The following PLXNA2 variants were observed in gnomAD, a reference collection of about 807,000 sequenced individuals.
The protein encoded by PLXNA2 is plexin-A2.
Under a neutral mutation model 193.5 loss-of-function variants are expected in PLXNA2, and 91 were observed. The ratio of observed to expected loss-of-function variants is 0.47; its 90% CI spans 0.40 to 0.56. The LOEUF (loss-of-function observed/expected upper bound fraction) is 0.56. PLXNA2 is among the 20% of genes least tolerant of loss of function. The probability of loss-of-function intolerance (pLI) is 0.00; values close to 1 mark genes in which losing one functional copy is unlikely to be tolerated. For synonymous variants in PLXNA2, 997 were observed against 1,027.3 expected (o/e 0.97, Z 0.56); for missense variants, 1,995 against 2,503.2 (o/e 0.80, Z 4.33).
chr1:208,063,959 A>G (rs1183296675), intron 12 of PLXNA2, among the ~76,000 whole-genome samples: 4 of 151,950 alleles, frequency 2.6e-5, no homozygotes, highest in Non-Finnish European at 4.4e-5. Flanking sequence ...TATCTCCCTC[A>G]GGCGCCTCAC....
At position 208,022,513 on chromosome 1, in the gene PLXNA2, T is replaced by C. The variant is rs1664212041; in HGVS notation, c.*4730A>G. On this transcript the variant is annotated 3_prime_UTR_variant, in exon 32 of 32. Coordinates refer to ENST00000367033, the MANE Select transcript of PLXNA2 (RefSeq NM_025179.4). ...AAAATATATATAATACAGATTCCAG[T>C]GTGTCAAGAGGAGTGGGTTTGAGCA... 1 of 152,532 alleles carries C rather than the reference T, an allele frequency of 6.6e-6. No individual in the cohort carries two copies. The highest frequency in any genetic ancestry group is 2.1e-4 in the South Asian group (1 of 4,826). 9.4% of individuals were successfully genotyped at this position (152,532 alleles called of 1,614,324 possible). A position where few individuals can be genotyped will look rare whatever the true frequency, so the allele number is the denominator to read the frequency against.
chr1:208,041,957 G>T, intron 22 of PLXNA2, 141 bp downstream of exon 22: 3 of 865,090 alleles, frequency 3.5e-6, no homozygotes, highest in East Asian at 2.4e-5. Flanking sequence ...CTGCAGAGAC[G>T]TGAGGACACA....
rs1669521043 is a variant in PLXNA2, at chr1:208,172,289, G to A, written c.1372-29826C>T. Among the ~76,000 whole-genome samples, 2 of 152,038 alleles carry A rather than the reference G, an allele frequency of 1.3e-5. 1 individual carries two copies. On this transcript the variant is annotated intron_variant, in intron 3 of 31. Coordinates refer to ENST00000367033, the MANE Select transcript of PLXNA2 (RefSeq NM_025179.4). ...GGTTGGAGGAAGTACTGTGGAATTGGAAAGGTTGGTGGGGTCATATTGTGA... is the reference window on the plus strand; with the variant it reads ...GGTTGGAGGAAGTACTGTGGAATTGAAAAGGTTGGTGGGGTCATATTGTGA...
chr1:208,031,249 C>T, intron 29 of PLXNA2: 2 of 1,117,898 alleles, frequency 1.8e-6, no homozygotes, highest in Non-Finnish European at 2.2e-6. Context: ...AAATGCAGCT[C>T]TTTGCATAGG....
intron 12 of PLXNA2, among the ~76,000 whole-genome samples, chr1:208,066,894 A>G (rs1032181076): frequency 2.6e-5 from 4 of 152,226 alleles, no homozygotes; most frequent in African/African-American, 4.8e-5. Flanking sequence ...ACAAATTTAA[A>G]AAGTAAAAAA....
At chr1:208,083,722 G>T (rs1378285249) in intron 10 of PLXNA2, among the ~76,000 whole-genome samples, 1 of 152,024 alleles carries the variant, frequency 6.6e-6, no homozygotes, top group Non-Finnish European at 1.5e-5. Flanking sequence ...TCTTCTTGGG[G>T]TTAGTATTAT....
At chr1:208,230,354 T>C (rs549022258) in intron 1 of PLXNA2, 1 of 152,358 alleles carries the variant, frequency 6.6e-6, no homozygotes, top group African/African-American at 2.4e-5. Flanking sequence ...CCTGAGGTCT[T>C]GAGTTGTCAT....
At chr1:208,146,901 C>T (rs899427236) in intron 3 of PLXNA2, among the ~76,000 whole-genome samples, 6 of 152,074 alleles carry the variant, frequency 3.9e-5, no homozygotes, top group African/African-American at 7.2e-5. Context: ...GGCTTGACCT[C>T]GGTGGAAATG....
chr1:208,195,555 C>T (rs1473238866), intron 3 of PLXNA2, among the ~76,000 whole-genome samples: 1 of 151,844 alleles, frequency 6.6e-6, no homozygotes, highest in Non-Finnish European at 1.5e-5. Context: ...GGACAGGCTG[C>T]CTACAAATAG....
rs1027901823 is a variant in PLXNA2 at position 208,236,900 on chromosome 1, G to A, written c.-81+6743C>T. On this transcript the variant is annotated intron_variant, in intron 1 of 31. Transcript: ENST00000367033. This position sits in a 1 kb window ranked among gnomAD's most constrained non-coding sequence, Gnocchi z 4.4. Reference sequence around the variant, plus strand: ...ACAGGCCTCTTGAAGCCCAAGTATGGCCCTAGCTCTGTGCTTCCCAGTGCA... The same window carrying A: ...ACAGGCCTCTTGAAGCCCAAGTATGACCCTAGCTCTGTGCTTCCCAGTGCA... Among the ~76,000 whole-genome samples, 1 of 152,188 alleles carries A rather than the reference G, an allele frequency of 6.6e-6. No individual in the cohort carries two copies. The highest frequency in any genetic ancestry group is 2.4e-5 in the African/African-American group (1 of 41,442).
At chr1:208,032,927 C>T (rs1479308067) in intron 28 of PLXNA2, among the ~76,000 whole-genome samples, 10 of 152,150 alleles carry the variant, frequency 6.6e-5, no homozygotes, top group Admixed American at 3.3e-4. Context: ...TCAAGAAGTA[C>T]GCAGAAAGCA....
At chr1:208,212,226 G>A (rs1419753473) in intron 2 of PLXNA2, among the ~76,000 whole-genome samples, 1 of 152,138 alleles carries the variant, frequency 6.6e-6, no homozygotes, top group Non-Finnish European at 1.5e-5. Flanking sequence ...CTCGTTGACA[G>A]CCTCATTTCT....
chr1:208,188,153 T>C (rs1670064900), intron 3 of PLXNA2, among the ~76,000 whole-genome samples: 1 of 152,202 alleles, frequency 6.6e-6, no homozygotes, highest in Non-Finnish European at 1.5e-5. Flanking sequence ...GCTTATCTCA[T>C]GCCTTCAACT....
At chr1:208,167,776 T>A (rs1669357838) in intron 3 of PLXNA2, among the ~76,000 whole-genome samples, 1 of 152,192 alleles carries the variant, frequency 6.6e-6, no homozygotes, top group South Asian at 2.1e-4. Context: ...ATTGTGGTTA[T>A]TTAGCAGCCC....
At chr1:208,100,924 A>G (rs1667075116) in intron 5 of PLXNA2, among the ~76,000 whole-genome samples, 1 of 152,190 alleles carries the variant, frequency 6.6e-6, no homozygotes, top group Non-Finnish European at 1.5e-5. Flanking sequence ...CAAACCAAAT[A>G]GCCATCGGGA....
chr1:208,082,303 G>A lies in PLXNA2; in HGVS notation c.2395+109C>T. The A allele has an allele frequency of 2.5e-6, 2 of 801,460 alleles. No homozygotes were observed. The highest frequency in any genetic ancestry group is 1.5e-5 in the South Asian group (1 of 68,056). The allele number at this position is 801,460 out of a possible 1,614,324, so 49.6% of individuals were successfully genotyped here. A position where few individuals can be genotyped will look rare whatever the true frequency, so the allele number is the denominator to read the frequency against. On this transcript the variant is annotated intron_variant, in intron 11 of 31. Transcript: ENST00000367033. This position sits in a 1 kb window ranked among gnomAD's most constrained non-coding sequence, Gnocchi z 4.2. Reference sequence around the variant, plus strand: ...TCCTCTGAAGAGTTCCGCCGACAGAGGGAGTGTATTATTCATGGCACAGCG... The same window carrying A: ...TCCTCTGAAGAGTTCCGCCGACAGAAGGAGTGTATTATTCATGGCACAGCG...
intron 6 of PLXNA2, among the ~76,000 whole-genome samples, chr1:208,098,622 G>C (rs972303386): frequency 2.3e-4 from 35 of 152,192 alleles, no homozygotes; most frequent in African/African-American, 7.2e-4. Flanking sequence ...CAAAAATCTA[G>C]ATTTACAAAA....
intron 29 of PLXNA2, chr1:208,029,958 G>C: frequency 1.0e-6 from 1 of 985,548 alleles, no homozygotes. Context: ...TCCAGCCTGA[G>C]ATGATGTTCC....
rs967774955 is a variant in PLXNA2, at chr1:208,025,363, G to C, written c.*1880C>G. The C allele has an allele frequency of 1.3e-5, 2 of 152,374 alleles. No homozygotes were observed. Among genetic ancestry groups the C allele is most frequent in the African/African-American group, 4.8e-5 (2 of 41,450 alleles). The allele number at this position is 152,374 out of a possible 1,614,324, so 9.4% of individuals were successfully genotyped here. On this transcript the variant is annotated 3_prime_UTR_variant, in exon 32 of 32. Transcript: ENST00000367033. ...ATTGGAACCACTTGGAGGTAAAGCA[G>C]GGCACGGAGAAGCTGGAGCCCAGAG...
Sources: allele counts gnomAD v4.1 joint callset (sites outside exome capture counted in the v4.1 genomes callset), GRCh38; gene constraint gnomAD v4.1.1; non-coding constraint Gnocchi (gnomAD v3.1); transcripts MANE v1.5; gene names NCBI Gene and HGNC (gene_info 2026-07-23, HGNC 2026-07-21).